PCM1: variants seen among roughly 807,000 people sequenced by gnomAD.
PCM1 encodes pericentriolar material 1 protein.
In PCM1, 157 loss-of-function variants were observed where a neutral mutation model predicts 241.9. The observed-to-expected ratio is 0.65, with a 90% CI of 0.57 to 0.74. The LOEUF is 0.74. Ranked by LOEUF, PCM1 falls within the 30% of genes least tolerant of loss-of-function variation. The pLI, the probability that PCM1 is intolerant of heterozygous loss-of-function variation, is 0.00. For missense variants in PCM1, 3,478 were observed against 2,360.1 expected (o/e 1.47, Z -9.81); for synonymous variants, 1,085 against 784.9 (o/e 1.38, Z -6.39).
intron 36 of PCM1, among the ~76,000 whole-genome samples, chr8:18,022,935 G>C (rs1165471950): frequency 6.6e-6 from 1 of 152,128 alleles, no homozygotes; most frequent in Non-Finnish European, 1.5e-5. Flanking sequence ...ATTTGAAAAG[G>C]AAACAAGTCA....
chr8:18,023,580 TA>T (rs1271925966), intron 36 of PCM1, among the ~76,000 whole-genome samples: 1 of 152,232 alleles, frequency 6.6e-6, no homozygotes, highest in East Asian at 1.9e-4. Context: ...GTTAATTAGA[TA>T]TTGTTGCCCC....
intron 24 of PCM1, among the ~76,000 whole-genome samples, chr8:17,981,934 G>A (rs1314258050): frequency 1.3e-5 from 2 of 151,662 alleles, no homozygotes; most frequent in Admixed American, 1.3e-4. Context: ...AAGATTTAGT[G>A]TTGTCTCAAC....
rs1188632066 is a variant in PCM1, at chr8:17,972,546, G to A, written c.3802G>A (p.Val1268Ile). Residue 1268 changes from valine (V) to isoleucine (I), a missense_variant, in exon 23 of 39, where the codon GTA becomes ATA. By Grantham distance (29) the Val-to-Ile change is conservative (BLOSUM62 3). Coordinates refer to ENST00000325083, the MANE Select transcript of PCM1 (RefSeq NM_006197.4). The stretch of plus-strand genomic sequence containing the variant: ...AAGCTTTAGCAGTATGCCTGATCCA[G>A]TAGATCCAACAACAGTGACTAAAAC... Reference protein sequence around the residue: ...LESFSSMPDPVDPTTVTKTFK... With the variant: ...LESFSSMPDPIDPTTVTKTFK... 6 of 1,613,848 alleles carry A rather than the reference G, an allele frequency of 3.7e-6. No homozygotes were observed. Among genetic ancestry groups the A allele is most frequent in the Non-Finnish European group, 5.1e-6 (6 of 1,179,766 alleles).
intron 6 of PCM1, among the ~76,000 whole-genome samples, chr8:17,941,441 A>G (rs1342821108): frequency 6.6e-6 from 1 of 152,012 alleles, no homozygotes; most frequent in African/African-American, 2.4e-5. Flanking sequence ...GTACTTGCTT[A>G]GTTACAGTAA....
At chr8:17,936,208 A>G (rs2060383594) in intron 3 of PCM1, among the ~76,000 whole-genome samples, 1 of 152,058 alleles carries the variant, frequency 6.6e-6, no homozygotes, top group African/African-American at 2.4e-5. Context: ...TGATTATCCT[A>G]ATTTGGATTA....
intron 2 of PCM1, among the ~76,000 whole-genome samples, chr8:17,929,341 T>C (rs1448622726): frequency 6.6e-6 from 1 of 152,188 alleles, no homozygotes; most frequent in Non-Finnish European, 1.5e-5. Flanking sequence ...TGCCTCTCTA[T>C]TTAATACCAG....
intron 29 of PCM1, among the ~76,000 whole-genome samples, chr8:17,993,831 A>G (rs148924738): frequency 1.7e-4 from 26 of 152,258 alleles, no homozygotes; most frequent in Admixed American, 3.3e-4. Flanking sequence ...TTACTATATC[A>G]TAAACTTCTT....
At chr8:17,984,674 C>G (rs117207937) in intron 24 of PCM1, among the ~76,000 whole-genome samples, 2,558 of 151,844 alleles carry the variant, frequency 0.017, 41 homozygotes, top group South Asian at 0.044. Flanking sequence ...TTGTATACTT[C>G]TTTGAAAGCG....
intron 29 of PCM1, among the ~76,000 whole-genome samples, chr8:17,994,763 G>A (rs2086026480): frequency 6.6e-6 from 1 of 151,678 alleles, no homozygotes; most frequent in Non-Finnish European, 1.5e-5. Context: ...TCTCGTTGTA[G>A]TTTTGATTGT....
chr8:18,005,357 G>GT (rs57492553), intron 29 of PCM1, among the ~76,000 whole-genome samples: 74,854 of 141,190 alleles, frequency 0.53, 20,361 homozygotes, highest in Non-Finnish European at 0.64. Flanking sequence ...TGTTGTTGTT[G>GT]TTTTTTTTTT....
At chr8:17,951,074 C>G (rs549683541) in intron 8 of PCM1, among the ~76,000 whole-genome samples, 2 of 152,158 alleles carry the variant, frequency 1.3e-5, no homozygotes, top group African/African-American at 4.8e-5. Flanking sequence ...TAAGACTTTG[C>G]TTTAAATCTG....
At chr8:17,927,781 C>G (rs1336656348) in intron 2 of PCM1, 3 of 147,550 alleles carry the variant, frequency 2.0e-5, no homozygotes, top group African/African-American at 5.0e-5. Flanking sequence ...CAACTCCTGA[C>G]CTCGTGATCC....
intron 6 of PCM1, among the ~76,000 whole-genome samples, chr8:17,942,599 C>A (rs1269855343): frequency 6.6e-6 from 1 of 151,704 alleles, no homozygotes; most frequent in African/African-American, 2.4e-5. Context: ...TCTTTTTTTG[C>A]TGGTTTTTTC....
intron 17 of PCM1, among the ~76,000 whole-genome samples, chr8:17,963,941 A>T (rs1156690139): frequency 6.6e-6 from 1 of 152,138 alleles, no homozygotes; most frequent in South Asian, 2.1e-4. Flanking sequence ...TGGGGTCCCA[A>T]TATGCATTTT....
intron 2 of PCM1, among the ~76,000 whole-genome samples, chr8:17,933,974 A>G (rs954048212): frequency 8.5e-5 from 13 of 152,242 alleles, no homozygotes; most frequent in African/African-American, 2.9e-4. Context: ...AAAAAGAGTG[A>G]AATATAACAG....
At chr8:18,015,880 C>CTGAG (rs1178421465) in intron 36 of PCM1, 1 of 152,148 alleles carries the variant, frequency 6.6e-6, no homozygotes, top group African/African-American at 2.4e-5. Context: ...CCTGAGCTCT[C>CTGAG]TGAGTTTATC....
At chr8:17,991,827 G>A (rs1424707559) in intron 28 of PCM1, 127 bp downstream of exon 28, 7 of 592,386 alleles carry the variant, frequency 1.2e-5, no homozygotes, top group South Asian at 3.0e-5. Flanking sequence ...ACTGTACCCA[G>A]TGTGTATTGT....
intron 17 of PCM1, among the ~76,000 whole-genome samples, chr8:17,964,125 A>C (rs1176682120): frequency 1.3e-5 from 2 of 152,228 alleles, no homozygotes; most frequent in Non-Finnish European, 2.9e-5. Flanking sequence ...AATTTCAATC[A>C]AATGAAATTA....
At chr8:18,026,583 T>C (rs1302812607) in intron 38 of PCM1, among the ~76,000 whole-genome samples, 5 of 152,048 alleles carry the variant, frequency 3.3e-5, no homozygotes, top group African/African-American at 9.7e-5. Flanking sequence ...TTATTATTGA[T>C]TTTTAGTTCT....
Sources: gnomAD v4.1 joint callset for allele counts (sites outside exome capture counted in the v4.1 genomes callset) on GRCh38, gnomAD v4.1.1 for gene constraint, MANE v1.5 for transcripts, NCBI Gene and HGNC (gene_info 2026-07-23, HGNC 2026-07-21) for gene names.